Variants in SCAPER observed in about 807,000 individuals in gnomAD.
The protein encoded by SCAPER is S-phase cyclin A associated protein in the ER, also known as S phase cyclin A-associated protein in the endoplasmic reticulum.
SCAPER carries 98 observed loss-of-function variants against 182.2 expected under a neutral mutation model. The ratio of observed to expected loss-of-function variants is 0.54; its 90% CI spans 0.46 to 0.64. The LOEUF is 0.64. SCAPER is among the 30% of genes least tolerant of loss of function. The pLI, the probability that SCAPER is intolerant of heterozygous loss-of-function variation, is 0.00. For missense variants in SCAPER, 1,432 were observed against 1,690.0 expected, an observed-to-expected ratio of 0.85 and a Z score of 2.68; for synonymous variants, 605 against 564.6, an observed-to-expected ratio of 1.07 and a Z score of -1.01.
chr15:76,798,546 A>C lies in SCAPER; in HGVS notation c.611+1702T>G, dbSNP rs536887058. 2.5e-4 allele frequency among the ~76,000 whole-genome samples: 38 copies of C among 152,248 alleles called. No individual in the cohort carries two copies. The South Asian group carries it at 6.0e-3, about 24-fold the overall frequency. ...TCCCAAATTTGATTAAAAACATTAA[A>C]TACATATCCAAGAGACTCAACAAAC... On this transcript the variant is annotated intron_variant, in intron 7 of 31. Coordinates refer to ENST00000563290, the MANE Select transcript of SCAPER (RefSeq NM_020843.4).
chr15:76,660,265 TA>T (rs1251888556), intron 21 of SCAPER, among the ~76,000 whole-genome samples: 1 of 152,088 alleles, frequency 6.6e-6, no homozygotes, highest in African/African-American at 2.4e-5. Flanking sequence ...ATGTTGAAGA[TA>T]AAAAAACAAC....
intron 26 of SCAPER, among the ~76,000 whole-genome samples, chr15:76,411,559 G>T (rs534100269): frequency 6.6e-6 from 1 of 152,036 alleles, no homozygotes; most frequent in Non-Finnish European, 1.5e-5. Flanking sequence ...ACAGTTTTTG[G>T]TTATCATAAA....
chr15:76,604,781 T>G (rs1223767632), intron 22 of SCAPER, among the ~76,000 whole-genome samples: 15 of 151,830 alleles, frequency 9.9e-5, no homozygotes, highest in South Asian at 8.4e-4. Context: ...TTATTCTCTT[T>G]GAAGCAATTG....
rs1487750564 is a variant in SCAPER at position 76,595,261 on chromosome 15, T to C, written c.2712-20977A>G. On this transcript the variant is annotated intron_variant, in intron 22 of 31. Coordinates refer to ENST00000563290, the MANE Select transcript of SCAPER (RefSeq NM_020843.4). The stretch of plus-strand genomic sequence containing the variant: ...CATTACATAATGGTAAAGGGATCAA[T>C]GCAACAAGAAGAGTTAACTATCCTA... 4.9e-5 allele frequency among the ~76,000 whole-genome samples: 6 copies of C among 121,688 alleles called. 1 individual carries two copies. Among genetic ancestry groups the C allele is most frequent in the African/African-American group, 1.5e-4 (6 of 39,756 alleles). The allele number at this position is 121,688 out of a possible 152,430, so 79.8% of individuals were successfully genotyped here.
intron 23 of SCAPER, among the ~76,000 whole-genome samples, chr15:76,539,545 CTT>C (rs36086361): frequency 5.9e-5 from 7 of 119,392 alleles, no homozygotes; most frequent in Admixed American, 1.9e-4. Context: ...ATCAAAATTT[CTT>C]TTTTTTTTTT....
At chr15:76,629,776 A>G (rs1369308376) in intron 21 of SCAPER, among the ~76,000 whole-genome samples, 1 of 152,184 alleles carries the variant, frequency 6.6e-6, no homozygotes, top group Non-Finnish European at 1.5e-5. Flanking sequence ...GCCTCATAGA[A>G]TGAGTTAGGG....
intron 23 of SCAPER, among the ~76,000 whole-genome samples, chr15:76,530,188 C>T (rs1597222398): frequency 6.6e-6 from 1 of 152,222 alleles, no homozygotes; most frequent in African/African-American, 2.4e-5. Context: ...TGCATAATAC[C>T]GTTACGCCTT....
At chr15:76,366,167 T>G (rs2041807776) in intron 29 of SCAPER, among the ~76,000 whole-genome samples, 1 of 152,016 alleles carries the variant, frequency 6.6e-6, no homozygotes, top group South Asian at 2.1e-4. Context: ...GATATGTGCA[T>G]GGAGGCACAG....
intron 25 of SCAPER, among the ~76,000 whole-genome samples, chr15:76,460,001 G>C (rs2049034831): frequency 6.6e-6 from 1 of 151,936 alleles, no homozygotes. Flanking sequence ...TTTATTTCTG[G>C]GTTCTCTTTT....
intron 26 of SCAPER, among the ~76,000 whole-genome samples, chr15:76,413,805 C>G (rs540931394): frequency 6.6e-6 from 1 of 152,092 alleles, no homozygotes; most frequent in African/African-American, 2.4e-5. Context: ...TCCGTGGGAC[C>G]TGGGGGTAAG....
intron 15 of SCAPER, among the ~76,000 whole-genome samples, chr15:76,736,247 GAGCCATT>G (rs2061256722): frequency 6.6e-6 from 1 of 152,104 alleles, no homozygotes; most frequent in African/African-American, 2.4e-5. Flanking sequence ...ATGAACATTC[GAGCCATT>G]AGCAAGTTAT....
At position 76,808,342 on chromosome 15, in the gene SCAPER, A is replaced by T. The variant is rs78714405; in HGVS notation, c.394-3709T>A. The stretch of plus-strand genomic sequence containing the variant: ...CCCCTTGCCTTGCTCCAGCAATAAA[A>T]CTAGGTTTGCAGATTTTCCCTGAAA... On this transcript the variant is annotated intron_variant, in intron 5 of 31. Coordinates refer to ENST00000563290, the MANE Select transcript of SCAPER (RefSeq NM_020843.4). Among the ~76,000 whole-genome samples, 1,037 of 152,164 alleles carry T rather than the reference A, an allele frequency of 6.8e-3. 10 individuals are homozygous for T. The highest frequency in any genetic ancestry group is 0.047 in the East Asian group (244 of 5,184).
chr15:76,871,876 C>A (rs2072759075), intron 2 of SCAPER, among the ~76,000 whole-genome samples: 1 of 152,022 alleles, frequency 6.6e-6, no homozygotes, highest in South Asian at 2.1e-4. Flanking sequence ...CAGGTGTGAG[C>A]CACCACGCCT....
chr15:76,540,632 G>A (rs2044656813), intron 23 of SCAPER, among the ~76,000 whole-genome samples: 1 of 151,960 alleles, frequency 6.6e-6, no homozygotes, highest in South Asian at 2.1e-4. Context: ...TGTTATGTCT[G>A]AGGAGAGAAA....
At chr15:76,647,612 GAGA>G (rs1326531161) in intron 21 of SCAPER, among the ~76,000 whole-genome samples, 1 of 152,206 alleles carries the variant, frequency 6.6e-6, no homozygotes, top group African/African-American at 2.4e-5. Flanking sequence ...GATGTATGCA[GAGA>G]AGGTCTACAA....
intron 22 of SCAPER, among the ~76,000 whole-genome samples, chr15:76,612,596 GT>G (rs1470495371): frequency 6.6e-6 from 1 of 152,056 alleles, no homozygotes; most frequent in African/African-American, 2.4e-5. Context: ...CAAAATCAAT[GT>G]GCAAAAATCA....
chr15:76,567,812 A>G (rs1201800293), intron 23 of SCAPER, among the ~76,000 whole-genome samples: 2 of 151,714 alleles, frequency 1.3e-5, no homozygotes, highest in Non-Finnish European at 2.9e-5. Context: ...CTTCCCTTCT[A>G]TTGCTTGTCT....
chr15:76,367,466 C>T (rs183746001), intron 29 of SCAPER, among the ~76,000 whole-genome samples: 1 of 152,162 alleles, frequency 6.6e-6, no homozygotes. Flanking sequence ...TTCCTTCTGG[C>T]CTCATTTTCT....
At chr15:76,585,611 G>T (rs994836099) in intron 22 of SCAPER, among the ~76,000 whole-genome samples, 1 of 152,112 alleles carries the variant, frequency 6.6e-6, no homozygotes, top group African/African-American at 2.4e-5. Context: ...GAGGCACAAG[G>T]ACCATTTTAA....
Sources: allele counts gnomAD v4.1 joint callset (sites outside exome capture counted in the v4.1 genomes callset), GRCh38; gene constraint gnomAD v4.1.1; transcripts MANE v1.5; gene names NCBI Gene and HGNC (gene_info 2026-07-23, HGNC 2026-07-21).